LRCH1: variants seen among roughly 807,000 people sequenced by gnomAD.
LRCH1 encodes leucine rich repeats and calponin homology domain containing 1.
A neutral mutation model predicts 94.9 loss-of-function variants in LRCH1; 23 were observed. That is an observed-to-expected ratio of 0.24 (90% CI 0.17 to 0.34). The LOEUF is 0.34. LRCH1 is among the 10% of genes least tolerant of loss of function. The pLI is 1.00. For missense variants in LRCH1, 790 were observed against 945.9 expected (o/e 0.84, Z 2.16); for synonymous variants, 364 against 354.9 (o/e 1.03, Z -0.29).
intron 1 of LRCH1, among the ~76,000 whole-genome samples, chr13:46,556,324 A>G (rs967230381): frequency 5.9e-5 from 9 of 152,370 alleles, no homozygotes; most frequent in African/African-American, 1.9e-4. Context: ...ACAAAGAAAC[A>G]TAGAATAGAT....
chr13:46,652,406 T>G (rs2051319044), intron 2 of LRCH1, among the ~76,000 whole-genome samples: 1 of 151,422 alleles, frequency 6.6e-6, no homozygotes, highest in African/African-American at 2.4e-5. Flanking sequence ...TTTTTTTTTT[T>G]GTCAGGGTTG....
chr13:46,714,299 T>C (rs1872213711), intron 15 of LRCH1, among the ~76,000 whole-genome samples: 1 of 152,228 alleles, frequency 6.6e-6, no homozygotes, highest in African/African-American at 2.4e-5. Flanking sequence ...AAGTGACATG[T>C]GGGAACTTTA....
Position 46,694,874 on chromosome 13 carries a change from C to T in LRCH1, c.1121-19C>T. 6.2e-7 allele frequency: 1 copy of T among 1,613,744 alleles called. No homozygotes were observed. Among genetic ancestry groups the T allele is most frequent in the Non-Finnish European group, 8.5e-7 (1 of 1,179,774 alleles). ...GTTCATGAAATCATGCTTTCCATCT[C>T]TCTATATTTTCCTAATAGGGGAATT... On this transcript the variant is annotated intron_variant, in intron 8 of 19. Transcript: ENST00000389797.
At chr13:46,669,984 A>G (rs1359838528) in intron 3 of LRCH1, among the ~76,000 whole-genome samples, 1 of 152,196 alleles carries the variant, frequency 6.6e-6, no homozygotes, top group Non-Finnish European at 1.5e-5. Flanking sequence ...ATGATGGCCA[A>G]TAAGTTTTGT....
At chr13:46,705,758 T>C in intron 13 of LRCH1, 1 of 317,680 alleles carries the variant, frequency 3.1e-6, no homozygotes, top group South Asian at 2.8e-5. Context: ...TGAGAGAATA[T>C]CATGAAGAGA....
At chr13:46,669,595 T>A (rs991074020) in intron 3 of LRCH1, among the ~76,000 whole-genome samples, 4 of 152,228 alleles carry the variant, frequency 2.6e-5, no homozygotes, top group Admixed American at 1.3e-4. Context: ...GAAATCATTG[T>A]CGCAAATCGT....
chr13:46,649,217 T>C (rs74076678), intron 1 of LRCH1, among the ~76,000 whole-genome samples: 13,441 of 152,294 alleles, frequency 0.088, 689 homozygotes, highest in Middle Eastern at 0.16. Context: ...AGGTGTGGTT[T>C]CTTAAGTATA....
At chr13:46,711,281 G>GA (rs766958480) in intron 13 of LRCH1, among the ~76,000 whole-genome samples, 3 of 152,126 alleles carry the variant, frequency 2.0e-5, no homozygotes, top group Non-Finnish European at 2.9e-5. Context: ...TTTTATGACA[G>GA]AAAAAATTCA....
chr13:46,575,474 A>G lies in LRCH1; in HGVS notation c.307+21771A>G, dbSNP rs78660288. On this transcript the variant is annotated intron_variant, in intron 1 of 19. Coordinates refer to ENST00000389797, the MANE Select transcript of LRCH1 (RefSeq NM_001164211.2). ...AATGATTCTCTAAGTTGAAGGACAC[A>G]TTGCTCTGCAGCATAACTGAAAAAT... Among the ~76,000 whole-genome samples, 147 of 151,710 alleles carry G rather than the reference A, an allele frequency of 9.7e-4. 1 individual carries two copies. The Middle Eastern group carries it at 0.014, about 14-fold the overall frequency.
chr13:46,668,384 A>G (rs769709035), intron 2 of LRCH1, among the ~76,000 whole-genome samples: 10 of 152,216 alleles, frequency 6.6e-5, no homozygotes, highest in Non-Finnish European at 1.5e-4. Context: ...CCACTTTGCC[A>G]GAAGACCAAC....
At chr13:46,586,437 A>T (rs938475018) in intron 1 of LRCH1, among the ~76,000 whole-genome samples, 34 of 152,060 alleles carry the variant, frequency 2.2e-4, no homozygotes, top group African/African-American at 8.2e-4. Context: ...GTTTTTTGAG[A>T]CAGGGTCTCC....
In LRCH1 at chr13:46,555,039, A is replaced by G. The variant is rs2050048815; in HGVS notation, c.307+1336A>G. 2.6e-5 allele frequency among the ~76,000 whole-genome samples: 4 copies of G among 152,248 alleles called. No homozygotes were observed. In the South Asian group the frequency reaches 8.3e-4, roughly 31 times the overall value. On this transcript the variant is annotated intron_variant, in intron 1 of 19. Coordinates refer to ENST00000389797, the MANE Select transcript of LRCH1 (RefSeq NM_001164211.2). ...CTAGAGCCTTAATGAATATTTAGAT[A>G]CAGTTCTGAGTTCACTGGAGGCAAA...
At position 46,657,389 on chromosome 13, in the gene LRCH1, G is replaced by A. The variant is rs199812283; in HGVS notation, c.452+7044G>A. On this transcript the variant is annotated intron_variant, in intron 2 of 19. Coordinates refer to ENST00000389797, the MANE Select transcript of LRCH1 (RefSeq NM_001164211.2). The stretch of plus-strand genomic sequence containing the variant: ...AACAAGTGCTGTAGAGAAAAAGAGA[G>A]ATTTTTTTTTTTAAAACATACATAT... 2.8e-3 allele frequency among the ~76,000 whole-genome samples: 5 copies of A among 1,816 alleles called. No homozygotes were observed. The South Asian group carries it at 0.21, about 76-fold the overall frequency. The allele number at this position is 1,816 out of a possible 152,430, so 1.2% of individuals were successfully genotyped here.
chr13:46,665,281 C>G (rs2051500525), intron 2 of LRCH1, among the ~76,000 whole-genome samples: 1 of 152,064 alleles, frequency 6.6e-6, no homozygotes, highest in Non-Finnish European at 1.5e-5. Flanking sequence ...AAGATTGAGA[C>G]TCAAACTATG....
At chr13:46,598,246 A>C (rs1048839280) in intron 1 of LRCH1, among the ~76,000 whole-genome samples, 10 of 152,304 alleles carry the variant, frequency 6.6e-5, no homozygotes, top group Non-Finnish European at 1.3e-4. Flanking sequence ...TTTCCTCTAG[A>C]AGTTCCAGAA....
intron 11 of LRCH1, 129 bp from the exon 12 acceptor site, chr13:46,704,939 C>T (rs571092853): frequency 1.9e-6 from 1 of 530,766 alleles, no homozygotes; most frequent in African/African-American, 2.0e-5. Flanking sequence ...ATAAACTTTT[C>T]CTCACTTAAT....
At chr13:46,720,674 G>A (rs1872552547) in intron 16 of LRCH1, among the ~76,000 whole-genome samples, 1 of 152,070 alleles carries the variant, frequency 6.6e-6, no homozygotes, top group African/African-American at 2.4e-5. Flanking sequence ...CCTGAAGCCT[G>A]GACCCAGACC....
intron 1 of LRCH1, among the ~76,000 whole-genome samples, chr13:46,612,629 G>T (rs1431893145): frequency 6.6e-6 from 1 of 152,008 alleles, no homozygotes; most frequent in Admixed American, 6.5e-5. Context: ...TTTCTTCTTT[G>T]TATTTTCTGG....
chr13:46,705,982 A>G (rs529411417), intron 13 of LRCH1, among the ~76,000 whole-genome samples: 1 of 152,314 alleles, frequency 6.6e-6, no homozygotes, highest in South Asian at 2.1e-4. Context: ...TCCTGAATGG[A>G]TTTAGGATGG....
Sources: gnomAD v4.1 joint callset for allele counts (sites outside exome capture counted in the v4.1 genomes callset) on GRCh38, gnomAD v4.1.1 for gene constraint, MANE v1.5 for transcripts, NCBI Gene and HGNC (gene_info 2026-07-23, HGNC 2026-07-21) for gene names.